The following CTNNA3 variants were observed in gnomAD, a reference collection of about 807,000 sequenced individuals.
The protein encoded by CTNNA3 is catenin alpha 3.
CTNNA3 carries 76 observed loss-of-function variants against 95.7 expected under a neutral mutation model. That is an observed-to-expected ratio of 0.79 (90% confidence interval 0.66 to 0.96). The LOEUF (loss-of-function observed/expected upper bound fraction) is 0.96, where lower values mean the gene tolerates loss of function less well. CTNNA3 is among the 40% of genes least tolerant of loss of function. The pLI is 0.00. For synonymous variants in CTNNA3, 431 were observed against 374.4 expected (o/e 1.15, Z -1.74); for missense variants, 1,191 against 1,089.8 (o/e 1.09, Z -1.31).
intron 13 of CTNNA3, among the ~76,000 whole-genome samples, chr10:66,222,285 G>A (rs541910633): frequency 1.1e-4 from 17 of 152,130 alleles, no homozygotes; most frequent in African/African-American, 3.9e-4. Context: ...CCTACACAGC[G>A]TATAACCAGG....
intron 7 of CTNNA3, among the ~76,000 whole-genome samples, chr10:66,861,372 C>A (rs1244369425): frequency 6.6e-6 from 1 of 152,108 alleles, no homozygotes; most frequent in Non-Finnish European, 1.5e-5. Context: ...TCCCCCACAT[C>A]CCAAAGCTGT....
chr10:67,301,141 CTCTT>C (rs1840249539), intron 5 of CTNNA3, among the ~76,000 whole-genome samples: 2 of 152,192 alleles, frequency 1.3e-5, no homozygotes, highest in African/African-American at 4.8e-5. Flanking sequence ...AGATGGGAAA[CTCTT>C]TCAAGTCTGC....
chr10:66,238,129 G>A (rs1477602740), intron 13 of CTNNA3, among the ~76,000 whole-genome samples: 1 of 151,914 alleles, frequency 6.6e-6, no homozygotes, highest in Admixed American at 6.6e-5. Context: ...TATAAAGCAG[G>A]TTCACCCTAT....
intron 13 of CTNNA3, among the ~76,000 whole-genome samples, chr10:66,232,445 TA>T (rs1242511398): frequency 6.6e-6 from 1 of 152,026 alleles, no homozygotes; most frequent in African/African-American, 2.4e-5. Flanking sequence ...AAAATTTAAG[TA>T]AATTAAAACT....
At chr10:66,299,053 C>G (rs1343588553) in intron 12 of CTNNA3, among the ~76,000 whole-genome samples, 1 of 152,160 alleles carries the variant, frequency 6.6e-6, no homozygotes, top group Non-Finnish European at 1.5e-5. Flanking sequence ...CCATCTGTCT[C>G]TTATCTGCCT....
chr10:66,427,216 C>G (rs1390772774), intron 11 of CTNNA3, among the ~76,000 whole-genome samples: 1 of 152,016 alleles, frequency 6.6e-6, no homozygotes, highest in Non-Finnish European at 1.5e-5. Context: ...TAAACACAAG[C>G]AAAAACTCCA....
chr10:67,611,074 A>C (rs7084028), intron 2 of CTNNA3, among the ~76,000 whole-genome samples: 8,509 of 152,288 alleles, frequency 0.056, 261 homozygotes, highest in South Asian at 0.1. Context: ...TTCCCACTCT[A>C]TTAATTCTGC....
chr10:66,443,128 C>T (rs1184294848), intron 11 of CTNNA3, among the ~76,000 whole-genome samples: 2 of 152,160 alleles, frequency 1.3e-5, no homozygotes, highest in East Asian at 3.9e-4. Context: ...TGTCATTGCC[C>T]AGGCTTGATT....
intron 17 of CTNNA3, among the ~76,000 whole-genome samples, chr10:65,936,319 T>C (rs2077337086): frequency 6.6e-6 from 1 of 152,082 alleles, no homozygotes; most frequent in Non-Finnish European, 1.5e-5. Flanking sequence ...AAATAATTGT[T>C]TTGAATATAT....
intron 5 of CTNNA3, among the ~76,000 whole-genome samples, chr10:67,358,987 T>C (rs1221143040): frequency 1.3e-5 from 2 of 151,862 alleles, no homozygotes; most frequent in Non-Finnish European, 2.9e-5. Context: ...CAAGATCCTA[T>C]CTGCTAGCCC....
chr10:66,027,736 T>C (rs1223375971), intron 15 of CTNNA3, among the ~76,000 whole-genome samples: 1 of 152,146 alleles, frequency 6.6e-6, no homozygotes. Context: ...ACACTAGTCA[T>C]AGCAAAAATG....
chr10:66,043,153 A>AAAAG (rs2079741751), intron 15 of CTNNA3, among the ~76,000 whole-genome samples: 1 of 132,286 alleles, frequency 7.6e-6, no homozygotes, highest in Non-Finnish European at 1.6e-5. Flanking sequence ...AAAAAAAAAA[A>AAAAG]AGAGAGAGAG....
chr10:66,970,503 G>T (rs564772251), intron 7 of CTNNA3, among the ~76,000 whole-genome samples: 3 of 50,186 alleles, frequency 6.0e-5, no homozygotes, highest in African/African-American at 2.0e-4. Flanking sequence ...ATTCTTGGGT[G>T]GGGGGGGGAT....
chr10:67,194,594 G>A (rs1441570556), intron 6 of CTNNA3, among the ~76,000 whole-genome samples: 1 of 151,008 alleles, frequency 6.6e-6, no homozygotes, highest in Non-Finnish European at 1.5e-5. Flanking sequence ...GAGAACAGAG[G>A]ATTTTTAAAG....
At chr10:66,777,125 C>T (rs1045351136) in intron 7 of CTNNA3, among the ~76,000 whole-genome samples, 5 of 152,096 alleles carry the variant, frequency 3.3e-5, no homozygotes, top group Non-Finnish European at 7.4e-5. Flanking sequence ...TATATTTTCC[C>T]AACAGCAGTG....
intron 5 of CTNNA3, among the ~76,000 whole-genome samples, chr10:67,312,460 G>T (rs1389458802): frequency 6.6e-6 from 1 of 152,206 alleles, no homozygotes; most frequent in Non-Finnish European, 1.5e-5. Context: ...AGAAGTGACA[G>T]TAAAGCTGAG....
chr10:66,372,511 T>C (rs1589154340), intron 12 of CTNNA3, among the ~76,000 whole-genome samples: 1 of 152,148 alleles, frequency 6.6e-6, no homozygotes, highest in African/African-American at 2.4e-5. Context: ...AATTCTCCCT[T>C]CTTTTCAGCC....
chr10:67,328,505 C>T (rs1282976183), intron 5 of CTNNA3, among the ~76,000 whole-genome samples: 3 of 152,242 alleles, frequency 2.0e-5, no homozygotes, highest in African/African-American at 7.2e-5. Flanking sequence ...CTCTAAGCAG[C>T]TCTCCATGCC....
intron 5 of CTNNA3, among the ~76,000 whole-genome samples, chr10:67,489,826 T>G (rs1848585900): frequency 6.7e-6 from 1 of 148,312 alleles, no homozygotes; most frequent in South Asian, 2.1e-4. Context: ...GGTGTGTGTA[T>G]ATACATATAT....
Sources: gnomAD v4.1 joint callset for allele counts (sites outside exome capture counted in the v4.1 genomes callset) on GRCh38, gnomAD v4.1.1 for gene constraint, MANE v1.5 for transcripts, NCBI Gene and HGNC (gene_info 2026-07-23, HGNC 2026-07-21) for gene names.